Variants in SMOC2 observed in about 807,000 individuals in gnomAD.
SMOC2 encodes SPARC-related modular calcium-binding protein 2.
A neutral mutation model predicts 61.4 loss-of-function variants in SMOC2; 39 were observed. The ratio of observed to expected loss-of-function variants is 0.64; its 90% CI spans 0.49 to 0.83. The LOEUF is 0.83. SMOC2 is among the 40% of genes least tolerant of loss of function. The probability of loss-of-function intolerance (pLI) is 0.00; values close to 1 mark genes in which losing one functional copy is unlikely to be tolerated. For missense variants in SMOC2, 556 were observed against 592.9 expected (o/e 0.94, Z 0.65); for synonymous variants, 247 against 239.9 (o/e 1.03, Z -0.27).
In SMOC2 at chr6:168,453,648, TTCTCTC is replaced by T. The variant is rs975863324; in HGVS notation, c.84+12196_84+12201del. Among the ~76,000 whole-genome samples, 6 of 151,620 alleles carry T rather than the reference TTCTCTC, an allele frequency of 4.0e-5. No individual in the cohort carries two copies. The highest frequency in any genetic ancestry group is 7.4e-5 in the Non-Finnish European group (5 of 67,768). On this transcript the variant is annotated intron_variant, in intron 1 of 12. Transcript: ENST00000356284. The surrounding 1 kb of genome is among the most constrained non-coding windows in gnomAD (Gnocchi z 4.4). ...TGTCTCTTTGTCTCTCTCTGTCTCT[TTCTCTC>T]TGTCTCTTCCTGTCTCTTTCTGTCT... is the stretch of plus-strand genomic sequence containing the variant.
chr6:168,590,550 A>G (rs1785155922), intron 7 of SMOC2, among the ~76,000 whole-genome samples: 1 of 152,080 alleles, frequency 6.6e-6, no homozygotes, highest in Non-Finnish European at 1.5e-5. Context: ...GCTGAGCAAG[A>G]ACTCTCCAAA....
At chr6:168,489,369 G>A (rs895952223) in intron 1 of SMOC2, among the ~76,000 whole-genome samples, 5 of 151,220 alleles carry the variant, frequency 3.3e-5, no homozygotes, top group Admixed American at 3.3e-4. Flanking sequence ...AATCATCTGG[G>A]TCCCCTTGGA....
At chr6:168,615,344 C>T (rs1583162722) in intron 9 of SMOC2, among the ~76,000 whole-genome samples, 1 of 54,972 alleles carries the variant, frequency 1.8e-5, no homozygotes, top group East Asian at 7.0e-4. Context: ...CAGCACAGGG[C>T]CTCTTCACAC....
At chr6:168,575,761 G>C (rs1261861227) in intron 7 of SMOC2, among the ~76,000 whole-genome samples, 1 of 152,226 alleles carries the variant, frequency 6.6e-6, no homozygotes, top group Non-Finnish European at 1.5e-5. Context: ...GTCTTATTCA[G>C]GGACATGACA....
At chr6:168,518,537 G>T (rs1783211192) in intron 2 of SMOC2, among the ~76,000 whole-genome samples, 1 of 151,826 alleles carries the variant, frequency 6.6e-6, no homozygotes, top group Non-Finnish European at 1.5e-5. Flanking sequence ...GGATGTGTGA[G>T]AGCGTGTGTA....
intron 1 of SMOC2, among the ~76,000 whole-genome samples, chr6:168,500,449 G>A (rs1276975976): frequency 1.3e-5 from 2 of 152,148 alleles, no homozygotes; most frequent in African/African-American, 4.8e-5. Flanking sequence ...TCGGGTGGAA[G>A]GACAGCATTC....
intron 1 of SMOC2, among the ~76,000 whole-genome samples, chr6:168,502,301 T>C (rs1415141923): frequency 6.6e-6 from 1 of 152,218 alleles, no homozygotes; most frequent in Admixed American, 6.5e-5. Context: ...TCACCTCCAT[T>C]GGACAAGTGA....
At chr6:168,582,116 G>A (rs1261039608) in intron 7 of SMOC2, among the ~76,000 whole-genome samples, 2 of 152,194 alleles carry the variant, frequency 1.3e-5, no homozygotes, top group South Asian at 4.1e-4. Flanking sequence ...CAGGTTCCAG[G>A]CACAGAGCGG....
rs937060475 is a variant in SMOC2 at position 168,522,843 on chromosome 6, G to A, written c.257-3503G>A. 1.8e-4 allele frequency among the ~76,000 whole-genome samples: 28 copies of A among 152,144 alleles called. No individual in the cohort carries two copies. The East Asian group carries it at 1.9e-3, about 10-fold the overall frequency. ...GTGTGTGATTGCATTGATAGGAAAT[G>A]CCCAGAATAGGCAAATTTGTAGAGA... On this transcript the variant is annotated intron_variant, in intron 2 of 12. Transcript: ENST00000356284.
intron 9 of SMOC2, among the ~76,000 whole-genome samples, chr6:168,639,978 C>T (rs764683451): frequency 6.6e-6 from 1 of 152,166 alleles, no homozygotes; most frequent in Non-Finnish European, 1.5e-5. Flanking sequence ...TCTGCCATCA[C>T]CTTTGCCTGC....
intron 4 of SMOC2, among the ~76,000 whole-genome samples, chr6:168,542,893 G>T (rs1460724393): frequency 6.6e-6 from 1 of 152,138 alleles, no homozygotes; most frequent in African/African-American, 2.4e-5. Flanking sequence ...CAAGTTCTAA[G>T]ATGTTTCCCC....
intron 1 of SMOC2, among the ~76,000 whole-genome samples, chr6:168,457,934 AG>A (rs1413792262): frequency 6.6e-6 from 1 of 151,348 alleles, no homozygotes; most frequent in Non-Finnish European, 1.5e-5. Context: ...TCTTCTGGGG[AG>A]GGGGGCAGCA....
At chr6:168,589,063 G>A (rs1486409680) in intron 7 of SMOC2, among the ~76,000 whole-genome samples, 1 of 135,906 alleles carries the variant, frequency 7.4e-6, no homozygotes, top group Non-Finnish European at 1.5e-5. Flanking sequence ...CATGACAGAG[G>A]GAGAATTCGT....
intron 1 of SMOC2, among the ~76,000 whole-genome samples, chr6:168,496,133 A>G (rs1583057048): frequency 6.6e-6 from 1 of 152,312 alleles, no homozygotes; most frequent in South Asian, 2.1e-4. Flanking sequence ...CACTGTTCTT[A>G]AGTTACTCTG....
At position 168,538,217 on chromosome 6, in the gene SMOC2, G is replaced by A. The variant is rs181439579; in HGVS notation, c.464-5408G>A. Among the ~76,000 whole-genome samples, 32 of 117,984 alleles carry A rather than the reference G, an allele frequency of 2.7e-4. 1 individual carries two copies. The East Asian group carries it at 3.9e-3, about 15-fold the overall frequency. 77.4% of individuals were successfully genotyped at this position (117,984 alleles called of 152,430 possible). A position where few individuals can be genotyped will look rare whatever the true frequency, so the allele number is the denominator to read the frequency against. ...CTGGAATCTGGGGAGTGGGGTGACC[G>A]CTGCTGGAATCTGGGGGAGCGGGGT... On this transcript the variant is annotated intron_variant, in intron 4 of 12. Coordinates refer to ENST00000356284, the MANE Select transcript of SMOC2 (RefSeq NM_001166412.2).
At chr6:168,578,444 C>G (rs1784854108) in intron 7 of SMOC2, among the ~76,000 whole-genome samples, 1 of 152,198 alleles carries the variant, frequency 6.6e-6, no homozygotes, top group African/African-American at 2.4e-5. Flanking sequence ...GGCAGACAGT[C>G]TCTGTCCTTT....
chr6:168,602,574 G>T (rs1048199327), intron 8 of SMOC2, among the ~76,000 whole-genome samples: 1 of 152,176 alleles, frequency 6.6e-6, no homozygotes, highest in African/African-American at 2.4e-5. Context: ...GACCTGTTGT[G>T]GTTCCTTTTT....
At chr6:168,473,867 C>T (rs984042916) in intron 1 of SMOC2, among the ~76,000 whole-genome samples, 3 of 152,042 alleles carry the variant, frequency 2.0e-5, no homozygotes, top group African/African-American at 7.2e-5. Flanking sequence ...CAGGGGGCTG[C>T]TGCCTGTTGG....
intron 7 of SMOC2, among the ~76,000 whole-genome samples, chr6:168,585,577 G>A (rs1326561780): frequency 6.6e-6 from 1 of 152,226 alleles, no homozygotes. Flanking sequence ...ATAAATACCT[G>A]AGAGTAGGTT....
Sources: gnomAD v4.1 joint callset for allele counts (sites outside exome capture counted in the v4.1 genomes callset) on GRCh38, gnomAD v4.1.1 for gene constraint, Gnocchi (gnomAD v3.1) non-coding constraint, MANE v1.5 for transcripts, NCBI Gene and HGNC (gene_info 2026-07-23, HGNC 2026-07-21) for gene names.